Variants in LHX9 observed in about 807,000 individuals in gnomAD.
The protein encoded by LHX9 is LIM/homeobox protein Lhx9.
Under a neutral mutation model 36.5 loss-of-function variants are expected in LHX9, and 9 were observed. That is an observed-to-expected ratio of 0.25 (90% confidence interval 0.15 to 0.43). LHX9 has a LOEUF of 0.43. LHX9 is among the 20% of genes least tolerant of loss of function. The probability of loss-of-function intolerance (pLI) is 1.00; values close to 1 mark genes in which losing one functional copy is unlikely to be tolerated. For synonymous variants in LHX9, 211 were observed against 212.1 expected (o/e 0.99, Z 0.04); for missense variants, 464 against 526.4 (o/e 0.88, Z 1.16).
At chr1:197,918,441 A>G in intron 1 of LHX9, 1 of 714,380 alleles carries the variant, frequency 1.4e-6, no homozygotes, top group Non-Finnish European at 2.6e-6. Context: ...GGGCCTGATG[A>G]CCGGACCTGT....
At chr1:197,914,601 C>A (rs188486780), upstream of LHX9, among the ~76,000 whole-genome samples, 7 of 152,098 alleles carry the variant, frequency 4.6e-5, no homozygotes, top group African/African-American at 1.7e-4. Context: ...ACACCCAATT[C>A]GAGGGCATTC....
rs1198715387 is a variant in LHX9, at chr1:197,921,277, C to T, written c.378-27C>T. The T allele has an allele frequency of 6.3e-7, 1 of 1,582,892 alleles. No homozygotes were observed. Among genetic ancestry groups the T allele is most frequent in the African/African-American group, 1.3e-5 (1 of 74,682 alleles). ...TATGGCTCTGCCTTGCTTCAACTAG[C>T]GCCCTGACTCAACTCTTTCCTTCCA... On this transcript the variant is annotated intron_variant, in intron 2 of 4. Transcript: ENST00000367387. The surrounding 1 kb of genome is among the most constrained non-coding windows in gnomAD (Gnocchi z 4.6).
chr1:197,919,828 C>A (rs1659910996), intron 1 of LHX9, 144 bp from the exon 2 acceptor site: 5 of 726,240 alleles, frequency 6.9e-6, no homozygotes, highest in Non-Finnish European at 1.1e-5. Flanking sequence ...CAAATGTTTC[C>A]CCTGACTTTT....
At position 197,931,726 on chromosome 1, in the gene LHX9, A is replaced by T; in HGVS notation, c.*2467A>T. 2.1e-6 allele frequency: 1 copy of T among 476,118 alleles called. No homozygotes were observed. The highest frequency in any genetic ancestry group is 3.0e-5 in the East Asian group (1 of 33,054). 29.5% of individuals were successfully genotyped at this position (476,118 alleles called of 1,614,324 possible). A position where few individuals can be genotyped will look rare whatever the true frequency, so the allele number is the denominator to read the frequency against. On this transcript the variant is annotated 3_prime_UTR_variant, in exon 5 of 5. Transcript: ENST00000367387. The stretch of plus-strand genomic sequence containing the variant: ...AAGTAATGCCCCACTGATTTGACTC[A>T]GTCCAATTTTTAGAATAAAAAGGCT...
rs1170244333 is a variant in LHX9, at chr1:197,917,959, C to A, written c.136C>A (p.Arg46Ser). 4 of 1,614,102 alleles carry A rather than the reference C, an allele frequency of 2.5e-6. No individual in the cohort carries two copies. The highest frequency in any genetic ancestry group is 3.4e-6 in the Non-Finnish European group (4 of 1,179,964). Residue 46 changes from arginine to serine, a missense_variant, in exon 1 of 5, where the codon CGT becomes AGT. This residue lies in a region of LHX9 where 119 missense variants were observed against 102.4 expected (regional missense o/e 1.16). Transcript: ENST00000367387. Reference sequence around the variant, plus strand: ...GGAGCGCAGATCCAAGACTGAGGCCCGTCTGGCCAAAGGCGCCCAGCTCAA... The same window carrying A: ...GGAGCGCAGATCCAAGACTGAGGCCAGTCTGGCCAAAGGCGCCCAGCTCAA... ...EMERRSKTEARLAKGAQLNGR... is the reference protein window; with the variant it reads ...EMERRSKTEASLAKGAQLNGR...
upstream of LHX9, chr1:197,916,545 C>G (rs1305099434): frequency 4.7e-6 from 3 of 632,220 alleles, no homozygotes; most frequent in South Asian, 5.5e-5. Context: ...TTCCTTCAAA[C>G]CTGAACCGGG....
intron 3 of LHX9, among the ~76,000 whole-genome samples, chr1:197,927,364 C>T (rs554943147): frequency 3.2e-4 from 48 of 152,254 alleles, no homozygotes; most frequent in Non-Finnish European, 7.4e-5. Flanking sequence ...AGGATTTAAC[C>T]AATATTTTTC....
upstream of LHX9, among the ~76,000 whole-genome samples, chr1:197,914,271 C>A (rs1336612331): frequency 6.6e-6 from 1 of 152,180 alleles, no homozygotes; most frequent in East Asian, 1.9e-4. Context: ...GACTTAAGAT[C>A]TTATCCCCGA....
Position 197,917,894 on chromosome 1 carries a change from G to C in LHX9, c.71G>C (p.Gly24Ala). ...CGCCCCCCAGCCATGCTCTTTCACGGGATCTCCGGAGGCCACATCCAAGGC... is the reference window on the plus strand; with the variant it reads ...CGCCCCCCAGCCATGCTCTTTCACGCGATCTCCGGAGGCCACATCCAAGGC... Reference protein sequence around the residue: ...PFRPPAMLFHGISGGHIQGIM... With the variant: ...PFRPPAMLFHAISGGHIQGIM... The change falls in exon 1 of 5, where the codon GGG (glycine) becomes GCG (alanine). Residue 24 changes from glycine (G) to alanine (A), a missense_variant. By Grantham distance (60) the Gly-to-Ala change is moderately conservative. Coordinates refer to ENST00000367387, the MANE Select transcript of LHX9 (RefSeq NM_020204.3). 1 of 1,614,178 alleles carries C rather than the reference G, an allele frequency of 6.2e-7. No homozygotes were observed. Among genetic ancestry groups the C allele is most frequent in the Non-Finnish European group, 8.5e-7 (1 of 1,180,044 alleles).
In LHX9 at chr1:197,921,084, G is replaced by C. The variant is rs549921855; in HGVS notation, c.378-220G>C. On this transcript the variant is annotated intron_variant, in intron 2 of 4. Transcript: ENST00000367387. This position sits in a 1 kb window ranked among gnomAD's most constrained non-coding sequence, Gnocchi z 4.6. ...TCACTTTGCAGAGAAGAAAACTAAG[G>C]CTTAGTTGCCCGATTCTTCTGACTT... 1.3e-5 allele frequency among the ~76,000 whole-genome samples: 2 copies of C among 152,000 alleles called. No individual in the cohort carries two copies. Among genetic ancestry groups the C allele is most frequent in the Non-Finnish European group, 2.9e-5 (2 of 68,010 alleles).
intron 4 of LHX9, 76 bp from the exon 5 acceptor site, chr1:197,928,926 A>C: frequency 7.1e-7 from 1 of 1,412,652 alleles, no homozygotes; most frequent in South Asian, 1.7e-5. Flanking sequence ...AAAAGAAAAA[A>C]AGAAAAAGTG....
rs1259412313 is a variant in LHX9 at position 197,917,928 on chromosome 1, G to T, written c.105G>T (p.Glu35Asp). ...GAGGCCACATCCAAGGCATCATGGA[G>T]GAGATGGAGCGCAGATCCAAGACTG... ...ISGGHIQGIM[E>D]EMERRSKTEA... The change falls in exon 1 of 5, where the codon GAG becomes GAT. Residue 35 changes from glutamate (E) to aspartate (D), a missense_variant. By Grantham distance (45) the Glu-to-Asp change is conservative. Transcript: ENST00000367387. 4.3e-6 allele frequency: 7 copies of T among 1,614,088 alleles called. No individual in the cohort carries two copies. Among genetic ancestry groups the T allele is most frequent in the Non-Finnish European group, 5.1e-6 (6 of 1,180,034 alleles).
At chr1:197,916,945 G>C (rs1659776704), upstream of LHX9, among the ~76,000 whole-genome samples, 1 of 152,192 alleles carries the variant, frequency 6.6e-6, no homozygotes, top group African/African-American at 2.4e-5. Context: ...TCCAAAGTTT[G>C]AAGTTGATAT....
At chr1:197,918,149 C>A in intron 1 of LHX9, 152 bp downstream of exon 1, 2 of 824,498 alleles carry the variant, frequency 2.4e-6, no homozygotes, top group Non-Finnish European at 2.0e-6. Flanking sequence ...CCACCTATGC[C>A]TACAGGGCTA....
chr1:197,924,597 TTAA>T (rs1485916601), intron 3 of LHX9, among the ~76,000 whole-genome samples: 9 of 152,382 alleles, frequency 5.9e-5, no homozygotes, highest in African/African-American at 1.9e-4. Flanking sequence ...AATTTAAACA[TTAA>T]TTGAGAGATT....
At chr1:197,918,078 G>T in intron 1 of LHX9, 81 bp downstream of exon 1, 1 of 1,491,088 alleles carries the variant, frequency 6.7e-7, no homozygotes, top group South Asian at 1.3e-5. Context: ...GGCCGGTGGA[G>T]AACCGGAGCG....
In LHX9 at chr1:197,917,992, G is replaced by A; in HGVS notation, c.169G>A (p.Asp57Asn). The A allele has an allele frequency of 1.9e-6, 3 of 1,612,866 alleles. No individual in the cohort carries two copies. Among genetic ancestry groups the A allele is most frequent in the Non-Finnish European group, 1.7e-6 (2 of 1,179,418 alleles). Reference protein sequence around the residue: ...LAKGAQLNGRDAGMPPLSPEK... With the variant: ...LAKGAQLNGRNAGMPPLSPEK... ...CAAAGGCGCCCAGCTCAACGGCCGC[G>A]ACGCGGTAAGGAAGGGCTCCGCCGC... Residue 57 changes from aspartate (D) to asparagine (N), a missense_variant, in exon 1 of 5, where the codon GAC becomes AAC. Asp to Asn is a conservative substitution (Grantham distance 23). Transcript: ENST00000367387.
At position 197,920,019 on chromosome 1, in the gene LHX9, C is replaced by T; in HGVS notation, c.222C>T (p.Cys74=). 2 of 1,614,220 alleles carry T rather than the reference C, an allele frequency of 1.2e-6. No individual in the cohort carries two copies. Among genetic ancestry groups the T allele is most frequent in the Non-Finnish European group, 8.5e-7 (1 of 1,180,046 alleles). ...AGAAGCCCGCCCTGTGCGCCGGCTG[C>T]GGGGGCAAGATCTCGGACAGGTACT... ...SPEKPALCAG[C]GGKISDRYYL... The change falls in exon 2 of 5, where the codon TGC becomes TGT. Residue 74 remains cysteine, a synonymous_variant. Transcript: ENST00000367387.
At chr1:197,918,559 T>C in intron 1 of LHX9, 1 of 593,180 alleles carries the variant, frequency 1.7e-6, no homozygotes. Flanking sequence ...ACTCAGTCCC[T>C]CTAAGGAGAC....
Sources: gnomAD v4.1 joint callset for allele counts (sites outside exome capture counted in the v4.1 genomes callset) on GRCh38, gnomAD v4.1.1 for gene constraint, gnomAD v4.1.1 regional missense constraint, Gnocchi (gnomAD v3.1) non-coding constraint, MANE v1.5 for transcripts, NCBI Gene and HGNC (gene_info 2026-07-23, HGNC 2026-07-21) for gene names.